CLDN16: variants seen among roughly 807,000 people sequenced by gnomAD.
The protein encoded by CLDN16 is claudin-16.
In CLDN16, 13 loss-of-function variants were observed where a neutral mutation model predicts 24.6. That is an observed-to-expected ratio of 0.53 (90% CI 0.34 to 0.84). The LOEUF (loss-of-function observed/expected upper bound fraction) is 0.84. Among genes scored for constraint, CLDN16 ranks in the 40% least tolerant of loss-of-function variants. CLDN16 has a pLI of 0.01. For synonymous variants in CLDN16, 116 were observed against 106.7 expected (o/e 1.09, Z -0.54); for missense variants, 298 against 292.7 (o/e 1.02, Z -0.13).
chr3:190,306,059 T>G, the CLDN16 span: 1 of 152,234 alleles, frequency 6.6e-6, no homozygotes, highest in African/African-American at 2.4e-5. Flanking sequence ...GTGGCTGACT[T>G]TCCTTGTGTA....
At chr3:190,356,171 C>A (rs1717766957) in intron 1 of CLDN16, among the ~76,000 whole-genome samples, 2 of 151,360 alleles carry the variant, frequency 1.3e-5, no homozygotes, top group South Asian at 4.2e-4. Flanking sequence ...GGTTCCTATA[C>A]CAAGAAAGTT....
chr3:190,305,663 A>G, the CLDN16 span: 4 of 152,180 alleles, frequency 2.6e-5, no homozygotes, highest in Admixed American at 6.6e-5. Context: ...TCTACCAAGA[A>G]TGGCAATCTT....
At chr3:190,405,050 A>T in intron 3 of CLDN16, 124 bp downstream of exon 3, 1 of 950,460 alleles carries the variant, frequency 1.1e-6, no homozygotes, top group Non-Finnish European at 1.7e-6. Context: ...TCTAGATTGA[A>T]AAACTAAAGG....
chr3:190,363,895 A>G (rs923421922), intron 1 of CLDN16, among the ~76,000 whole-genome samples: 2 of 141,366 alleles, frequency 1.4e-5, no homozygotes, highest in African/African-American at 5.2e-5. Flanking sequence ...ATTTTCCACT[A>G]TCCTTGAATG....
chr3:190,375,583 G>C (rs1288449378), intron 3 of CLDN16, among the ~76,000 whole-genome samples: 2 of 151,894 alleles, frequency 1.3e-5, no homozygotes, highest in Non-Finnish European at 2.9e-5. Flanking sequence ...GGTTGTTATG[G>C]TACTACTTGA....
chr3:190,319,534 T>C (rs76254809), upstream of CLDN16, among the ~76,000 whole-genome samples: 68 of 152,324 alleles, frequency 4.5e-4, no homozygotes, highest in East Asian at 0.012. Flanking sequence ...ATGAAGGTCA[T>C]ATGCTTTTTA....
intron 1 of CLDN16, among the ~76,000 whole-genome samples, chr3:190,330,612 T>G (rs927172346): frequency 2.6e-5 from 4 of 152,182 alleles, no homozygotes; most frequent in Non-Finnish European, 4.4e-5. Context: ...GCCCGGCACA[T>G]GTTAGCTGCT....
At chr3:190,402,299 C>T in intron 1 of CLDN16, 38 bp from the exon 2 acceptor site, 1 of 1,468,154 alleles carries the variant, frequency 6.8e-7, no homozygotes, top group Non-Finnish European at 9.6e-7. Context: ...ACTGTGCCTG[C>T]ATGAATTGTT....
chr3:190,342,349 T>C (rs1717457476), intron 1 of CLDN16, among the ~76,000 whole-genome samples: 2 of 152,166 alleles, frequency 1.3e-5, no homozygotes. Flanking sequence ...ACATCTCACA[T>C]GGTGGTAGAA....
chr3:190,379,370 T>C (rs1169755319), intron 3 of CLDN16, among the ~76,000 whole-genome samples: 2 of 152,078 alleles, frequency 1.3e-5, no homozygotes, highest in African/African-American at 2.4e-5. Flanking sequence ...GATAGAAAGA[T>C]AGCAAAAATC....
rs186659485 is a variant in CLDN16, at chr3:190,376,093, T to A, written n.306+1490T>A. Among the ~76,000 whole-genome samples, 725 of 152,048 alleles carry A rather than the reference T, an allele frequency of 4.8e-3. 5 individuals carry two copies. The highest frequency in any genetic ancestry group is 8.2e-3 in the Non-Finnish European group (558 of 67,926). On this transcript the variant is annotated intron_variant and non_coding_transcript_variant, in intron 3 of 4. Coordinates refer to the CLDN16 transcript ENST00000468220. ...ACTGAAAGAACAATAGGGTTGGATG[T>A]TTGAGGCACAATTCTCAAAGGAATC... is the stretch of plus-strand genomic sequence containing the variant.
chr3:190,379,334 A>T (rs1460509751), intron 3 of CLDN16, among the ~76,000 whole-genome samples: 1 of 152,100 alleles, frequency 6.6e-6, no homozygotes, highest in Non-Finnish European at 1.5e-5. Context: ...ATCTCTTTAG[A>T]ATGCTCACAG....
chr3:190,327,935 G>T (rs1451832056), intron 1 of CLDN16, among the ~76,000 whole-genome samples: 3 of 151,896 alleles, frequency 2.0e-5, no homozygotes, highest in South Asian at 2.1e-4. Flanking sequence ...TGTTTTTTTT[G>T]TGTGTGTTTA....
chr3:190,402,379 A>C lies in CLDN16; in HGVS notation c.157A>C (p.Asn53His). The C allele has an allele frequency of 6.2e-7, 1 of 1,613,990 alleles. No homozygotes were observed. Among genetic ancestry groups the C allele is most frequent in the East Asian group, 2.2e-5 (1 of 44,826 alleles). ...CRGLWWECVTNAFDGIRTCDE... is the reference protein window; with the variant it reads ...CRGLWWECVTHAFDGIRTCDE... ...AGGCCTCTGGTGGGAATGCGTCACAAATGCTTTTGATGGGATTCGCACCTG... is the reference window on the plus strand; with the variant it reads ...AGGCCTCTGGTGGGAATGCGTCACACATGCTTTTGATGGGATTCGCACCTG... The change falls in exon 2 of 5, where the codon AAT becomes CAT. Residue 53 changes from asparagine (N) to histidine (H), a missense_variant. Transcript: ENST00000264734.
chr3:190,311,799 G>A, the CLDN16 span, among the ~76,000 whole-genome samples: 4 of 151,372 alleles, frequency 2.6e-5, no homozygotes, highest in South Asian at 4.2e-4. Flanking sequence ...ATATACACAC[G>A]TAAGTATACA....
the CLDN16 span, among the ~76,000 whole-genome samples, chr3:190,302,341 G>T: frequency 6.6e-6 from 1 of 152,114 alleles, no homozygotes; most frequent in South Asian, 2.1e-4. Flanking sequence ...TTTATTATCT[G>T]CATTCCTTAC....
chr3:190,398,236 C>G (rs1186877240), intron 1 of CLDN16, among the ~76,000 whole-genome samples: 1 of 152,184 alleles, frequency 6.6e-6, no homozygotes, highest in Non-Finnish European at 1.5e-5. Context: ...AACAAATGAC[C>G]ATAAACTCGG....
chr3:190,340,241 G>C (rs181277999), intron 1 of CLDN16, among the ~76,000 whole-genome samples: 1 of 152,216 alleles, frequency 6.6e-6, no homozygotes, highest in African/African-American at 2.4e-5. Flanking sequence ...TTTCCTCTGA[G>C]ATCTGGTATA....
intron 3 of CLDN16, among the ~76,000 whole-genome samples, chr3:190,406,440 A>G (rs1339952865): frequency 1.3e-5 from 2 of 152,216 alleles, no homozygotes; most frequent in South Asian, 2.1e-4. Flanking sequence ...TTTTTGAGCT[A>G]TCATCAGTAA....
Sources: gnomAD v4.1 joint callset for allele counts (sites outside exome capture counted in the v4.1 genomes callset) on GRCh38, gnomAD v4.1.1 for gene constraint, MANE v1.5 for transcripts, NCBI Gene and HGNC (gene_info 2026-07-23, HGNC 2026-07-21) for gene names.